The following DLGAP1 variants were observed in gnomAD, a reference collection of about 807,000 sequenced individuals.
The protein encoded by DLGAP1 is DLG associated protein 1.
In DLGAP1, 11 loss-of-function variants were observed where a neutral mutation model predicts 90.8. The ratio of observed to expected loss-of-function variants is 0.12; its 90% confidence interval spans 0.08 to 0.20. DLGAP1 has a LOEUF of 0.20. Among genes scored for constraint, DLGAP1 ranks in the 10% least tolerant of loss-of-function variants. DLGAP1 has a pLI of 1.00. For missense variants in DLGAP1, 1,050 were observed against 1,333.8 expected, an observed-to-expected ratio of 0.79 and a Z score of 3.31; for synonymous variants, 558 against 540.7, an observed-to-expected ratio of 1.03 and a Z score of -0.44.
intron 2 of DLGAP1, among the ~76,000 whole-genome samples, chr18:4,120,434 G>A (rs2076133902): frequency 6.6e-6 from 1 of 152,188 alleles, no homozygotes; most frequent in Non-Finnish European, 1.5e-5. Flanking sequence ...CATCACTCGT[G>A]GCTTTTCATA....
chr18:3,976,950 G>A (rs1423557493), intron 3 of DLGAP1, among the ~76,000 whole-genome samples: 1 of 152,070 alleles, frequency 6.6e-6, no homozygotes, highest in African/African-American at 2.4e-5. Flanking sequence ...TTACAGGTAA[G>A]GTTAAATTGT....
At chr18:4,324,109 T>C (rs750727511) in intron 1 of DLGAP1, among the ~76,000 whole-genome samples, 6 of 151,710 alleles carry the variant, frequency 4.0e-5, no homozygotes, top group South Asian at 2.1e-4. Context: ...ATTAGTAAGA[T>C]AGACCACTAA....
At chr18:4,057,989 G>A (rs954870822) in intron 2 of DLGAP1, among the ~76,000 whole-genome samples, 6 of 152,156 alleles carry the variant, frequency 3.9e-5, no homozygotes, top group Admixed American at 1.3e-4. Flanking sequence ...GGTGGCTTGT[G>A]GAGGAAGGAA....
chr18:3,745,474 G>A (rs1212669454), intron 5 of DLGAP1, among the ~76,000 whole-genome samples: 1 of 152,160 alleles, frequency 6.6e-6, no homozygotes, highest in Non-Finnish European at 1.5e-5. Context: ...AGTTAAGGTG[G>A]TTGCAATGTT....
chr18:3,561,799 G>A (rs1252895285), intron 9 of DLGAP1, among the ~76,000 whole-genome samples: 2 of 150,722 alleles, frequency 1.3e-5, no homozygotes, highest in Non-Finnish European at 2.9e-5. Context: ...CCGTTTTAAC[G>A]CTGCTGATAA....
intron 1 of DLGAP1, among the ~76,000 whole-genome samples, chr18:4,239,357 G>A (rs1255886464): frequency 6.6e-6 from 1 of 151,968 alleles, no homozygotes; most frequent in African/African-American, 2.4e-5. Context: ...TGAATTCTAG[G>A]TTTTTTAAAC....
At chr18:3,874,455 A>T in intron 4 of DLGAP1, 1 of 1,436,012 alleles carries the variant, frequency 7.0e-7, no homozygotes. Context: ...GAATGGCTTT[A>T]TATGTCAGTC....
intron 1 of DLGAP1, among the ~76,000 whole-genome samples, chr18:4,380,359 G>A (rs553076709): frequency 6.6e-6 from 1 of 152,296 alleles, no homozygotes; most frequent in East Asian, 1.9e-4. Flanking sequence ...AAGGACTAGA[G>A]GGGAGTCCTG....
rs541367924 is a variant in DLGAP1 at position 4,425,872 on chromosome 18, C to A, written c.-267+29134G>T. On this transcript the variant is annotated intron_variant, in intron 1 of 12. Transcript: ENST00000315677. Reference sequence around the variant, plus strand: ...TTCATAAAGTCATTCATTAAAGTTTCTCTCTTTCCCACTGAATTTGATTGC... The same window carrying A: ...TTCATAAAGTCATTCATTAAAGTTTATCTCTTTCCCACTGAATTTGATTGC... 2.3e-4 allele frequency among the ~76,000 whole-genome samples: 35 copies of A among 152,270 alleles called. 1 individual carries two copies. Among genetic ancestry groups the A allele is most frequent in the African/African-American group, 7.7e-4 (32 of 41,546 alleles).
chr18:4,131,896 C>A (rs928429255), intron 2 of DLGAP1, among the ~76,000 whole-genome samples: 1 of 152,120 alleles, frequency 6.6e-6, no homozygotes, highest in Admixed American at 6.5e-5. Context: ...GCATGAGGTA[C>A]GCAGCTGGCA....
At chr18:3,519,614 TG>T (rs1196727245) in intron 10 of DLGAP1, among the ~76,000 whole-genome samples, 1 of 152,130 alleles carries the variant, frequency 6.6e-6, no homozygotes, top group Non-Finnish European at 1.5e-5. Flanking sequence ...CAATAAGCGG[TG>T]GGGCATTAGG....
intron 2 of DLGAP1, among the ~76,000 whole-genome samples, chr18:4,048,546 T>G (rs1415937150): frequency 2.0e-5 from 3 of 152,192 alleles, no homozygotes; most frequent in Non-Finnish European, 4.4e-5. Context: ...TAAACAAGAC[T>G]TAAGGAGGGT....
intron 1 of DLGAP1, among the ~76,000 whole-genome samples, chr18:4,259,625 T>C: frequency 6.6e-6 from 1 of 152,162 alleles, no homozygotes. Context: ...TGCTAAGAAA[T>C]CTAAATAACC....
chr18:4,394,393 A>C (rs1401355228), intron 1 of DLGAP1, among the ~76,000 whole-genome samples: 18 of 152,212 alleles, frequency 1.2e-4, no homozygotes, highest in Admixed American at 1.2e-3. Context: ...CTTTTGCTTG[A>C]TTCACTATTT....
chr18:3,664,830 G>T (rs998723404), intron 7 of DLGAP1, among the ~76,000 whole-genome samples: 1 of 152,202 alleles, frequency 6.6e-6, no homozygotes, highest in African/African-American at 2.4e-5. Context: ...TGTTAAGAAG[G>T]TGAATGAAAT....
intron 3 of DLGAP1, among the ~76,000 whole-genome samples, chr18:3,979,195 A>G (rs2073668307): frequency 6.6e-6 from 1 of 152,180 alleles, no homozygotes; most frequent in African/African-American, 2.4e-5. Context: ...ACTGCATTGC[A>G]TGTACAGTGG....
chr18:4,262,891 T>A (rs560494271), intron 1 of DLGAP1, among the ~76,000 whole-genome samples: 1 of 152,288 alleles, frequency 6.6e-6, no homozygotes, highest in African/African-American at 2.4e-5. Flanking sequence ...AGGTGTAACA[T>A]GGTAAGTATT....
intron 2 of DLGAP1, among the ~76,000 whole-genome samples, chr18:4,026,902 A>G (rs952762970): frequency 1.3e-5 from 2 of 152,136 alleles, no homozygotes; most frequent in Non-Finnish European, 2.9e-5. Context: ...TGCTGTTATT[A>G]AGATAGGAAT....
intron 4 of DLGAP1, among the ~76,000 whole-genome samples, chr18:3,861,053 C>T (rs929306415): frequency 1.7e-4 from 26 of 152,172 alleles, no homozygotes; most frequent in African/African-American, 6.0e-4. Context: ...GGACTATAAA[C>T]TTTTTCAGAG....
Sources: gnomAD v4.1 joint callset for allele counts (sites outside exome capture counted in the v4.1 genomes callset) on GRCh38, gnomAD v4.1.1 for gene constraint, MANE v1.5 for transcripts, NCBI Gene and HGNC (gene_info 2026-07-23, HGNC 2026-07-21) for gene names.